The following CEP170B variants were observed in gnomAD, a reference collection of about 807,000 sequenced individuals.
The protein encoded by CEP170B is centrosomal protein of 170 kDa protein B.
CEP170B carries 55 observed loss-of-function variants against 120.6 expected under a neutral mutation model. The ratio of observed to expected loss-of-function variants is 0.46; its 90% CI spans 0.37 to 0.57. The LOEUF is 0.57. Among genes scored for constraint, CEP170B ranks in the 20% least tolerant of loss-of-function variants. CEP170B has a pLI of 0.00. For synonymous variants in CEP170B, 1,033 were observed against 954.5 expected (o/e 1.08, Z -1.52); for missense variants, 2,212 against 2,253.3 (o/e 0.98, Z 0.37).
intron 10 of CEP170B, 58 bp from the exon 11 acceptor site, chr14:104,885,982 C>G: frequency 7.0e-7 from 1 of 1,435,078 alleles, no homozygotes; most frequent in Non-Finnish European, 9.3e-7. Flanking sequence ...TCCCTGGCAC[C>G]CCCTGCTTCT....
rs920287635 is a variant in CEP170B at position 104,868,486 on chromosome 14, C to A, written c.36C>A (p.Ser12Arg). 6.5e-7 allele frequency: 1 copy of A among 1,549,206 alleles called. No individual in the cohort carries two copies. Among genetic ancestry groups the A allele is most frequent in the Admixed American group, 2.0e-5 (1 of 50,978 alleles). Reference protein sequence around the residue: ...SATSWFLVSSSGARHRLPREL... With the variant: ...SATSWFLVSSRGARHRLPREL... ...CGTCCTGGTTCCTGGTGAGCAGCAGCGGCGCCCGCCACCGGCTCCCTCGGG... is the reference window on the plus strand; with the variant it reads ...CGTCCTGGTTCCTGGTGAGCAGCAGAGGCGCCCGCCACCGGCTCCCTCGGG... The change falls in exon 2 of 19, where the codon AGC (serine) becomes AGA (arginine). Residue 12 changes from serine (S) to arginine (R), a missense_variant. Coordinates refer to ENST00000414716, the MANE Select transcript of CEP170B (RefSeq NM_001112726.3). This position sits in a 1 kb window ranked among gnomAD's most constrained non-coding sequence, Gnocchi z 5.9.
chr14:104,887,481 A>G lies in CEP170B; in HGVS notation c.3242A>G (p.Lys1081Arg). 2.5e-6 allele frequency: 4 copies of G among 1,611,872 alleles called. No individual in the cohort carries two copies. Among genetic ancestry groups the G allele is most frequent in the Non-Finnish European group, 3.4e-6 (4 of 1,179,610 alleles). ...GCAGGACGGCTAGGTTCTCGCCGGA[A>G]ACCAGCGGCCCCACCGCCATCCCCA... Reference protein sequence around the residue: ...TGAGRLGSRRKPAAPPPSPAA... With the variant: ...TGAGRLGSRRRPAAPPPSPAA... Residue 1081 changes from lysine (K) to arginine (R), a missense_variant, in exon 12 of 19, where the codon AAA becomes AGA. Around this residue, in one of 2 missense-constraint regions of CEP170B, gnomAD observed 2,166 missense variants for 2,166.7 expected, o/e 1.00. Transcript: ENST00000414716.
chr14:104,883,730 T>A, intron 8 of CEP170B, 101 bp from the exon 9 acceptor site: 1 of 1,246,680 alleles, frequency 8.0e-7, no homozygotes, highest in Non-Finnish European at 1.1e-6. Flanking sequence ...GCTGGGGTGC[T>A]TTGTCAACTC....
At chr14:104,874,158 G>A (rs1485528439) in intron 2 of CEP170B, among the ~76,000 whole-genome samples, 1 of 152,176 alleles carries the variant, frequency 6.6e-6, no homozygotes, top group Non-Finnish European at 1.5e-5. Context: ...CTTGGAGGAG[G>A]TGAGTGCTGG....
At position 104,883,818 on chromosome 14, in the gene CEP170B, C is replaced by A. The variant is rs752070865; in HGVS notation, c.1052-13C>A. On this transcript the variant is annotated splice_polypyrimidine_tract_variant and intron_variant, in intron 8 of 18. Transcript: ENST00000414716. ...TCTCGGCCTGACAAGGTGGGGTCCC[C>A]TGTCTCCCCCAGGCCACAAGCACGA... The A allele has an allele frequency of 6.6e-7, 1 of 1,524,898 alleles. No homozygotes were observed. The highest frequency in any genetic ancestry group is 1.2e-5 in the South Asian group (1 of 80,418). The allele number at this position is 1,524,898 out of a possible 1,614,324, so 94.5% of individuals were successfully genotyped here.
chr14:104,871,291 C>T (rs1372741774), intron 2 of CEP170B, among the ~76,000 whole-genome samples: 1 of 152,152 alleles, frequency 6.6e-6, no homozygotes, highest in African/African-American at 2.4e-5. Context: ...CAGAGGCATC[C>T]CAAGCTCGGT....
At chr14:104,865,228 C>T (rs1160694052), upstream of CEP170B, 1 of 138,798 alleles carries the variant, frequency 7.2e-6, no homozygotes, top group Non-Finnish European at 1.6e-5. The surrounding 1 kb of genome is among the most constrained non-coding windows in gnomAD (Gnocchi z 6.7). Flanking sequence ...GGGGGCGTGC[C>T]CGGGGCGGGG....
chr14:104,884,399 C>A lies in CEP170B; in HGVS notation c.1620C>A (p.Pro540=). 1 of 1,547,262 alleles carries A rather than the reference C, an allele frequency of 6.5e-7. No individual in the cohort carries two copies. Among genetic ancestry groups the A allele is most frequent in the Non-Finnish European group, 8.7e-7 (1 of 1,146,354 alleles). ...LTPHGTSPVG[P]PTPPPAPTDP... is the part of the protein sequence containing the mutation. ...CCCATGGGACCAGCCCCGTGGGCCCCCCGACCCCACCGCCCGCCCCCACGG... is the reference window on the plus strand; with the variant it reads ...CCCATGGGACCAGCCCCGTGGGCCCACCGACCCCACCGCCCGCCCCCACGG... Residue 540 remains proline, a synonymous_variant, in exon 9 of 19, where the codon CCC becomes CCA. Coordinates refer to ENST00000414716, the MANE Select transcript of CEP170B (RefSeq NM_001112726.3).
intron 13 of CEP170B, among the ~76,000 whole-genome samples, 200 bp downstream of exon 13, chr14:104,889,958 ATGGATGGATAGGAGGGTGGG>A (rs1896717403): frequency 3.3e-5 from 1 of 30,200 alleles, no homozygotes; most frequent in African/African-American, 8.7e-5. Flanking sequence ...GGATGAATGG[ATGGATGGATAGGAGGGTGGG>A]TGGGTGGATG....
chr14:104,889,401 C>T (rs1004066973), intron 12 of CEP170B: 14 of 1,219,630 alleles, frequency 1.1e-5, no homozygotes, highest in African/African-American at 3.1e-5. Context: ...CCAGCCTCGA[C>T]GCTGCCCAGC....
At chr14:104,874,875 G>A (rs544823254) in intron 2 of CEP170B, among the ~76,000 whole-genome samples, 217 of 152,206 alleles carry the variant, frequency 1.4e-3, no homozygotes, top group African/African-American at 4.8e-3. Context: ...TGGCCACCAC[G>A]AGCCCCACCC....
intron 7 of CEP170B, 54 bp downstream of exon 7, chr14:104,882,886 G>A: frequency 6.4e-7 from 1 of 1,554,938 alleles, no homozygotes; most frequent in Non-Finnish European, 8.7e-7. Context: ...AGGGTGGTGT[G>A]TGAAGGGGAT....
At chr14:104,865,160 C>T (rs185665842), upstream of CEP170B, 3,833 of 146,038 alleles carry the variant, frequency 0.026, 62 homozygotes, top group Middle Eastern at 0.078. This position sits in a 1 kb window ranked among gnomAD's most constrained non-coding sequence, Gnocchi z 6.7. Context: ...CCCGCCCTAA[C>T]CTGGTTTCCG....
chr14:104,889,480 C>T, intron 12 of CEP170B, 140 bp from the exon 13 acceptor site: 9 of 1,529,958 alleles, frequency 5.9e-6, no homozygotes, highest in Non-Finnish European at 7.9e-6. Context: ...CTGCTTTGTT[C>T]TGTTCTTGCT....
rs1566852626 is a variant in CEP170B at position 104,872,423 on chromosome 14, C to CGTG, written c.106-3833_106-3832insGTG. On this transcript the variant is annotated intron_variant, in intron 2 of 18. Transcript: ENST00000414716. The stretch of plus-strand genomic sequence containing the variant: ...TGTGCGTGGGTGTGCCGTGGGTGTG[C>CGTG]CGTGCGTGTGTGCGTGTGTGTGCCA... Among the ~76,000 whole-genome samples, 20 of 59,272 alleles carry CGTG rather than the reference C, an allele frequency of 3.4e-4. 2 individuals are homozygous for CGTG. Among genetic ancestry groups the CGTG allele is most frequent in the African/African-American group, 1.0e-3 (19 of 18,618 alleles). The allele number at this position is 59,272 out of a possible 152,430, so 38.9% of individuals were successfully genotyped here. A position where few individuals can be genotyped will look rare whatever the true frequency, so the allele number is the denominator to read the frequency against.
Position 104,896,208 on chromosome 14 carries a change from G to A in CEP170B, c.*1250G>A, listed in dbSNP as rs546911033. The A allele has an allele frequency of 1.3e-4, 32 of 239,424 alleles. 3 individuals are homozygous for A. Among genetic ancestry groups the A allele is most frequent in the South Asian group, 9.9e-4 (20 of 20,264 alleles). The allele number at this position is 239,424 out of a possible 1,614,324, so 14.8% of individuals were successfully genotyped here. On this transcript the variant is annotated 3_prime_UTR_variant, in exon 19 of 19. Coordinates refer to ENST00000414716, the MANE Select transcript of CEP170B (RefSeq NM_001112726.3). ...CAGCTGCTGGGGGAGCGGCACTGGG[G>A]ACTGGAGGCTGGAAGCGGGTGGTGT...
intron 6 of CEP170B, among the ~76,000 whole-genome samples, chr14:104,882,009 T>C (rs1345768652): frequency 6.6e-6 from 1 of 151,664 alleles, no homozygotes; most frequent in Non-Finnish European, 1.5e-5. Context: ...TCCGCAAGGA[T>C]GGAAAGAGCT....
intron 5 of CEP170B, 102 bp from the exon 6 acceptor site, chr14:104,880,185 T>C: frequency 1.4e-6 from 2 of 1,467,020 alleles, no homozygotes; most frequent in Non-Finnish European, 1.8e-6. Flanking sequence ...ACATGCAAAG[T>C]CATAGCTGGG....
chr14:104,894,915 C>G lies in CEP170B; in HGVS notation c.4622C>G (p.Pro1541Arg). 1 of 1,595,196 alleles carries G rather than the reference C, an allele frequency of 6.3e-7. No homozygotes were observed. Among genetic ancestry groups the G allele is most frequent in the Non-Finnish European group, 8.5e-7 (1 of 1,171,418 alleles). ...GCCAGCTGTGGGCCTCCCAGCCTCC[C>G]GGACCCCACCTTCCTCCCTGATGCC... ...QRASCGPPSL[P>R]DPTFLPDAER... Residue 1541 changes from proline (P) to arginine (R), a missense_variant, in exon 19 of 19, where the codon CCG (proline) becomes CGG (arginine). Transcript: ENST00000414716.
Sources: allele counts gnomAD v4.1 joint callset (sites outside exome capture counted in the v4.1 genomes callset), GRCh38; gene constraint gnomAD v4.1.1; regional missense constraint gnomAD v4.1.1; non-coding constraint Gnocchi (gnomAD v3.1); transcripts MANE v1.5; gene names NCBI Gene and HGNC (gene_info 2026-07-23, HGNC 2026-07-21).